The following ALX4 variants were observed in gnomAD, a reference collection of about 807,000 sequenced individuals.
The protein encoded by ALX4 is homeobox protein aristaless-like 4.
ALX4 carries 22 observed loss-of-function variants against 40.6 expected under a neutral mutation model. The observed-to-expected ratio is 0.54, with a 90% CI of 0.39 to 0.77. The LOEUF (loss-of-function observed/expected upper bound fraction) is 0.77, where lower values mean the gene tolerates loss of function less well. Ranked by LOEUF, ALX4 falls within the 30% of genes least tolerant of loss-of-function variation. The pLI is 0.00. For synonymous variants in ALX4, 266 were observed against 240.5 expected (o/e 1.11, Z -0.98); for missense variants, 556 against 564.8 (o/e 0.98, Z 0.16).
At position 44,276,508 on chromosome 11, in the gene ALX4, G is replaced by A. The variant is rs962456290; in HGVS notation, c.467-850C>T. ...ATTCCTAGCTCAGGACTGCAAGGAC[G>A]AGTCAACCCATACACATCAAGAAAG... On this transcript the variant is annotated intron_variant, in intron 1 of 3. Coordinates refer to ENST00000652299, the MANE Select transcript of ALX4 (RefSeq NM_021926.4). 2.6e-5 allele frequency among the ~76,000 whole-genome samples: 4 copies of A among 152,204 alleles called. No individual in the cohort carries two copies. In the South Asian group the frequency reaches 6.2e-4, roughly 24 times the overall value.
intron 1 of ALX4, among the ~76,000 whole-genome samples, chr11:44,279,939 T>C: frequency 6.6e-6 from 1 of 151,974 alleles, no homozygotes; most frequent in Non-Finnish European, 1.5e-5. Context: ...GAACAATTTC[T>C]AACTAACAAA....
chr11:44,279,891 G>A (rs1250430798), intron 1 of ALX4, among the ~76,000 whole-genome samples: 2 of 151,920 alleles, frequency 1.3e-5, no homozygotes, highest in East Asian at 1.9e-4. Flanking sequence ...GATAGGTCAG[G>A]TGGCAGAGAT....
rs1313452839 is a variant in ALX4 at position 44,264,033 on chromosome 11, C to T, written c.*821G>A. 6.6e-6 allele frequency: 1 copy of T among 151,244 alleles called. No homozygotes were observed. Among genetic ancestry groups the T allele is most frequent in the Non-Finnish European group, 1.5e-5 (1 of 67,902 alleles). The allele number at this position is 151,244 out of a possible 1,614,324, so 9.4% of individuals were successfully genotyped here. On this transcript the variant is annotated 3_prime_UTR_variant, in exon 4 of 4. Transcript: ENST00000652299. The stretch of plus-strand genomic sequence containing the variant: ...CCCCACCCGGATGCCTCCCCCTCTC[C>T]CAGGACCTTTCCTTCTTCTAGCACC...
At chr11:44,283,286 A>C (rs1357324079) in intron 1 of ALX4, among the ~76,000 whole-genome samples, 1 of 152,124 alleles carries the variant, frequency 6.6e-6, no homozygotes, top group Non-Finnish European at 1.5e-5. Context: ...GTTGTTTTCA[A>C]ATTTTAAAAA....
At chr11:44,266,406 A>T (rs1471915654) in intron 3 of ALX4, among the ~76,000 whole-genome samples, 1 of 151,956 alleles carries the variant, frequency 6.6e-6, no homozygotes, top group Non-Finnish European at 1.5e-5. Context: ...GTGCGAGCTG[A>T]TGCTGATGGT....
intron 1 of ALX4, among the ~76,000 whole-genome samples, chr11:44,281,678 T>TG (rs1956311310): frequency 6.6e-6 from 1 of 152,010 alleles, no homozygotes; most frequent in Non-Finnish European, 1.5e-5. Flanking sequence ...AACGGTCCTG[T>TG]GGGGGTGAGG....
At chr11:44,306,752 TCA>T (rs567587651) in intron 1 of ALX4, among the ~76,000 whole-genome samples, 1 of 152,156 alleles carries the variant, frequency 6.6e-6, no homozygotes, top group South Asian at 2.1e-4. Flanking sequence ...AATGCATGCC[TCA>T]GTTTTCCTGC....
At chr11:44,285,728 G>GT (rs1321532874) in intron 1 of ALX4, among the ~76,000 whole-genome samples, 1 of 143,224 alleles carries the variant, frequency 7.0e-6, no homozygotes, top group Non-Finnish European at 1.5e-5. Flanking sequence ...TTTATTTTTT[G>GT]TTTTCTTCTG....
chr11:44,270,682 C>A (rs751945144), intron 2 of ALX4, among the ~76,000 whole-genome samples: 4 of 152,152 alleles, frequency 2.6e-5, no homozygotes, highest in Non-Finnish European at 5.9e-5. Flanking sequence ...AGCTCTGCAC[C>A]GCAGGCCTGT....
chr11:44,274,140 T>C (rs1956264097), intron 2 of ALX4, among the ~76,000 whole-genome samples: 1 of 152,026 alleles, frequency 6.6e-6, no homozygotes, highest in South Asian at 2.1e-4. Context: ...ACCCTGTCTC[T>C]AAAAAGAAAA....
chr11:44,261,488 G>C lies in ALX4; in HGVS notation c.*3366C>G, dbSNP rs1564996307. The C allele has an allele frequency of 6.6e-6, 1 of 152,318 alleles. No homozygotes were observed. Among genetic ancestry groups the C allele is most frequent in the African/African-American group, 2.4e-5 (1 of 41,566 alleles). 9.4% of individuals were successfully genotyped at this position (152,318 alleles called of 1,614,324 possible). ...CTGGAGGCACGGTAGTGAGCGCTGAGAATCAAGTATAGTTAAAAGAATTCA... is the reference window on the plus strand; with the variant it reads ...CTGGAGGCACGGTAGTGAGCGCTGACAATCAAGTATAGTTAAAAGAATTCA... On this transcript the variant is annotated 3_prime_UTR_variant, in exon 4 of 4. Transcript: ENST00000652299.
At chr11:44,302,569 A>G (rs1956440785) in intron 1 of ALX4, among the ~76,000 whole-genome samples, 1 of 152,234 alleles carries the variant, frequency 6.6e-6, no homozygotes, top group African/African-American at 2.4e-5. Flanking sequence ...AGGTCCGCCC[A>G]GGGAAGGTGC....
intron 1 of ALX4, among the ~76,000 whole-genome samples, chr11:44,284,070 A>T (rs142385962): frequency 7.2e-5 from 11 of 152,332 alleles, no homozygotes; most frequent in African/African-American, 2.4e-4. Context: ...GCGTTTTAAC[A>T]CATGCAAAGA....
At chr11:44,280,612 C>A (rs1014278538) in intron 1 of ALX4, among the ~76,000 whole-genome samples, 1 of 152,180 alleles carries the variant, frequency 6.6e-6, no homozygotes, top group African/African-American at 2.4e-5. Flanking sequence ...AATGTAGTCC[C>A]AATCTGCAGC....
intron 1 of ALX4, among the ~76,000 whole-genome samples, chr11:44,287,610 A>G (rs1297373356): frequency 5.4e-5 from 8 of 146,922 alleles, no homozygotes; most frequent in Non-Finnish European, 1.5e-5. Flanking sequence ...AAAAAAGAAA[A>G]GAAAAGAAAA....
intron 1 of ALX4, among the ~76,000 whole-genome samples, chr11:44,290,377 T>G (rs1956362428): frequency 6.6e-6 from 1 of 151,326 alleles, no homozygotes; most frequent in African/African-American, 2.5e-5. Context: ...GCTACATTGA[T>G]TCATTCAACA....
rs199971294 is a variant in ALX4, at chr11:44,309,703, C to A, written c.360G>T (p.Pro120=). 1.5e-5 allele frequency: 23 copies of A among 1,582,822 alleles called. No individual in the cohort carries two copies. In the African/African-American group the frequency reaches 1.8e-4, roughly 12 times the overall value. Reference sequence around the variant, plus strand: ...AGGCGCCTCGCTGCAAGTAAAGATGCGGTTGCGCGGGCGGCTGGGGCTGCG... The same window carrying A: ...AGGCGCCTCGCTGCAAGTAAAGATGAGGTTGCGCGGGCGGCTGGGGCTGCG... ...QQPQPQPPAQ[P]HLYLQRGACK... The change falls in exon 1 of 4, where the codon CCG becomes CCT. Residue 120 remains proline, a synonymous_variant. Transcript: ENST00000652299.
chr11:44,304,906 G>C (rs1369042860), intron 1 of ALX4, among the ~76,000 whole-genome samples: 5 of 152,160 alleles, frequency 3.3e-5, no homozygotes, highest in Non-Finnish European at 5.9e-5. Context: ...GGCTTAGCCC[G>C]GCGGTCGCGG....
chr11:44,305,309 G>C (rs10838258), intron 1 of ALX4, among the ~76,000 whole-genome samples: 54,464 of 152,166 alleles, frequency 0.36, 11,956 homozygotes, highest in South Asian at 0.65. Flanking sequence ...CAGGCCCTCT[G>C]TTTTTCTATT....
Sources: gnomAD v4.1 joint callset for allele counts (sites outside exome capture counted in the v4.1 genomes callset) on GRCh38, gnomAD v4.1.1 for gene constraint, MANE v1.5 for transcripts, NCBI Gene and HGNC (gene_info 2026-07-23, HGNC 2026-07-21) for gene names.